The following NPEPPS variants were observed in gnomAD, a reference collection of about 807,000 sequenced individuals.
NPEPPS encodes aminopeptidase puromycin sensitive, also known as puromycin-sensitive aminopeptidase.
Under a neutral mutation model 115.5 loss-of-function variants are expected in NPEPPS, and 14 were observed. The ratio of observed to expected loss-of-function variants is 0.12; its 90% CI spans 0.08 to 0.19. The LOEUF (loss-of-function observed/expected upper bound fraction) is 0.19. NPEPPS is among the 10% of genes least tolerant of loss of function. NPEPPS has a pLI of 1.00. For synonymous variants in NPEPPS, 285 were observed against 390.6 expected (o/e 0.73, Z 3.19); for missense variants, 523 against 1,110.8 (o/e 0.47, Z 7.52).
At chr17:47,606,744 A>ATTGATTC (rs150125921) in intron 17 of NPEPPS, among the ~76,000 whole-genome samples, 2 of 152,038 alleles carry the variant, frequency 1.3e-5, no homozygotes, top group Non-Finnish European at 2.9e-5. Flanking sequence ...AGCTGGTCCC[A>ATTGATTC]AACAAATATT....
intron 1 of NPEPPS, among the ~76,000 whole-genome samples, chr17:47,543,602 CA>C (rs1224032391): frequency 6.6e-6 from 1 of 151,520 alleles, no homozygotes; most frequent in Non-Finnish European, 1.5e-5. Flanking sequence ...GCTGGGATTA[CA>C]GGCGTGAGCC....
At chr17:47,617,990 C>T (rs564170018) in intron 19 of NPEPPS, among the ~76,000 whole-genome samples, 12 of 152,284 alleles carry the variant, frequency 7.9e-5, no homozygotes, top group East Asian at 1.9e-4. Flanking sequence ...TCTCCCGCCT[C>T]GGCCTCCCAA....
At position 47,622,012 on chromosome 17, in the gene NPEPPS, A is replaced by G. The variant is rs1567876632; in HGVS notation, c.*92A>G. ...GCTGATTCATATGCCAAGAATTTGG[A>G]GTCTTCTTTCAAACCAGTGGGGGTT... On this transcript the variant is annotated 3_prime_UTR_variant, in exon 23 of 23. Transcript: ENST00000322157. The G allele has an allele frequency of 7.1e-7, 1 of 1,409,336 alleles. No homozygotes were observed. 87.3% of individuals were successfully genotyped at this position (1,409,336 alleles called of 1,614,324 possible).
chr17:47,589,437 T>A, intron 9 of NPEPPS, among the ~76,000 whole-genome samples: 1 of 151,982 alleles, frequency 6.6e-6, no homozygotes, highest in Admixed American at 6.6e-5. Flanking sequence ...TTTTTACTTT[T>A]TAATTTTTTT....
intron 2 of NPEPPS, among the ~76,000 whole-genome samples, chr17:47,548,870 C>A (rs1298271292): frequency 1.3e-5 from 2 of 152,060 alleles, no homozygotes; most frequent in Middle Eastern, 3.4e-3. Flanking sequence ...CCACTGCGCC[C>A]GACCTGACTG....
At chr17:47,553,593 A>G (rs1312934519) in intron 2 of NPEPPS, among the ~76,000 whole-genome samples, 1 of 152,202 alleles carries the variant, frequency 6.6e-6, no homozygotes, top group African/African-American at 2.4e-5. Context: ...CACAGATAGT[A>G]GCAAAACTTA....
chr17:47,618,586 C>CT, intron 20 of NPEPPS, 129 bp downstream of exon 20: 1 of 644,328 alleles, frequency 1.6e-6, no homozygotes, highest in Non-Finnish European at 2.7e-6. Context: ...GAGTAACTGG[C>CT]TTGAGTTTTT....
intron 2 of NPEPPS, 80 bp downstream of exon 2, chr17:47,546,073 T>TGTGTGTGTGTGTGAGAGA (rs148357525): frequency 1.6e-6 from 2 of 1,265,646 alleles, no homozygotes; most frequent in South Asian, 1.7e-5. Flanking sequence ...TGTGTGTGTG[T>TGTGTGTGTGTGTGAGAGA]GAGAGAGAGA....
chr17:47,533,305 A>C (rs1415581425), intron 1 of NPEPPS, among the ~76,000 whole-genome samples: 1 of 151,990 alleles, frequency 6.6e-6, no homozygotes, highest in Non-Finnish European at 1.5e-5. Flanking sequence ...AATCAGAACG[A>C]ATGCATCTTG....
At chr17:47,564,544 A>G (rs1219864614) in intron 2 of NPEPPS, among the ~76,000 whole-genome samples, 3 of 151,834 alleles carry the variant, frequency 2.0e-5, no homozygotes, top group Non-Finnish European at 2.9e-5. Context: ...TGAAGTGTCT[A>G]TGTACAATGC....
At chr17:47,557,076 C>T (rs1365206032) in intron 2 of NPEPPS, among the ~76,000 whole-genome samples, 1 of 152,026 alleles carries the variant, frequency 6.6e-6, no homozygotes, top group African/African-American at 2.4e-5. Context: ...GTTTACTTTG[C>T]AAGGTTTTTT....
At chr17:47,599,404 G>A (rs1913055007) in intron 13 of NPEPPS, among the ~76,000 whole-genome samples, 1 of 152,172 alleles carries the variant, frequency 6.6e-6, no homozygotes, top group Admixed American at 6.5e-5. Flanking sequence ...CCAGGATGTG[G>A]TAACTAATAA....
chr17:47,568,709 G>C (rs1910993134), intron 2 of NPEPPS, among the ~76,000 whole-genome samples: 1 of 151,712 alleles, frequency 6.6e-6, no homozygotes, highest in Non-Finnish European at 1.5e-5. Flanking sequence ...AGGCTGGAGT[G>C]CAATGATGTG....
In NPEPPS at chr17:47,554,899, G is replaced by T. The variant is rs1909898366; in HGVS notation, c.340+8906G>T. On this transcript the variant is annotated intron_variant, in intron 2 of 22. Transcript: ENST00000322157. ...CGGAGAAAGGGATGATTTATGTTCT[G>T]GGCAGAATGGAATGGGAGGGTACAA... is the stretch of plus-strand genomic sequence containing the variant. Among the ~76,000 whole-genome samples, 4 of 152,234 alleles carry T rather than the reference G, an allele frequency of 2.6e-5. No individual in the cohort carries two copies. The South Asian group carries it at 8.3e-4, about 32-fold the overall frequency.
intron 1 of NPEPPS, among the ~76,000 whole-genome samples, chr17:47,536,735 G>A (rs1283427765): frequency 7.8e-6 from 1 of 127,868 alleles, no homozygotes; most frequent in African/African-American, 2.9e-5. Context: ...TTTTGAGACG[G>A]AGTTTTGCTC....
At chr17:47,613,117 C>T (rs1913978810) in intron 18 of NPEPPS, among the ~76,000 whole-genome samples, 1 of 152,118 alleles carries the variant, frequency 6.6e-6, no homozygotes, top group African/African-American at 2.4e-5. Context: ...TGTTGCAGTG[C>T]TGAAAGGTGA....
intron 1 of NPEPPS, among the ~76,000 whole-genome samples, chr17:47,524,823 G>C (rs997903505): frequency 2.6e-5 from 2 of 76,674 alleles, no homozygotes; most frequent in African/African-American, 1.0e-4. Flanking sequence ...TTTTTTTTTT[G>C]TAGAGATGGG....
intron 18 of NPEPPS, among the ~76,000 whole-genome samples, chr17:47,613,281 T>TC (rs1282715755): frequency 4.8e-5 from 7 of 145,808 alleles, no homozygotes; most frequent in African/African-American, 7.5e-5. Flanking sequence ...TTTTTTTTTT[T>TC]CTGAGACGGA....
Position 47,603,915 on chromosome 17 carries a change from T to G in NPEPPS, c.1741T>G (p.Leu581Val). The change falls in exon 16 of 23, where the codon TTA (leucine) becomes GTA (valine). Residue 581 changes from leucine to valine, a missense_variant and splice_region_variant. Physicochemically the swap from Leu to Val is conservative, Grantham distance 32 (BLOSUM62 1). Transcript: ENST00000322157. ...KNVKPDQWVK[L>V]NLGTVGFYRT... ...TAGTACTTACTGGATATCTTTGCAG[T>G]TAAACTTAGGAACAGTTGGGTTTTA... 1 of 1,606,190 alleles carries G rather than the reference T, an allele frequency of 6.2e-7. No individual in the cohort carries two copies. Among genetic ancestry groups the G allele is most frequent in the Non-Finnish European group, 8.5e-7 (1 of 1,175,780 alleles).
Sources: gnomAD v4.1 joint callset for allele counts (sites outside exome capture counted in the v4.1 genomes callset) on GRCh38, gnomAD v4.1.1 for gene constraint, MANE v1.5 for transcripts, NCBI Gene and HGNC (gene_info 2026-07-23, HGNC 2026-07-21) for gene names.